The following MFN1 variants were observed in gnomAD, a reference collection of about 807,000 sequenced individuals.
MFN1 encodes the protein mitofusin 1, also known as mitofusin-1.
A neutral mutation model predicts 92.4 loss-of-function variants in MFN1; 65 were observed. That is an observed-to-expected ratio of 0.70 (90% CI 0.58 to 0.86). The LOEUF is 0.86. Among genes scored for constraint, MFN1 ranks in the 40% least tolerant of loss-of-function variants. The pLI is 0.00. For missense variants in MFN1, 781 were observed against 868.0 expected (o/e 0.90, Z 1.26); for synonymous variants, 297 against 300.9 (o/e 0.99, Z 0.13).
intron 2 of MFN1, among the ~76,000 whole-genome samples, chr3:179,350,004 T>TA (rs1233980560): frequency 6.6e-6 from 1 of 151,960 alleles, no homozygotes; most frequent in Non-Finnish European, 1.5e-5. Flanking sequence ...ATACAAAAAT[T>TA]AGCTGGGCCT....
chr3:179,384,179 G>A (rs960861204), intron 14 of MFN1, among the ~76,000 whole-genome samples: 7 of 152,088 alleles, frequency 4.6e-5, no homozygotes, highest in African/African-American at 1.7e-4. Context: ...TCTTATTACG[G>A]CTGAGGAATA....
At chr3:179,379,383 C>G (rs1400443735) in intron 14 of MFN1, among the ~76,000 whole-genome samples, 1 of 152,038 alleles carries the variant, frequency 6.6e-6, no homozygotes, top group Non-Finnish European at 1.5e-5. Flanking sequence ...AGACAGAGAC[C>G]TGCGCTGTGG....
Position 179,347,781 on chromosome 3 carries a change from T to C in MFN1, c.-37T>C, listed in dbSNP as rs1022782256. On this transcript the variant is annotated 5_prime_UTR_variant, in exon 1 of 18. Coordinates refer to ENST00000471841, the MANE Select transcript of MFN1 (RefSeq NM_033540.3). ...AGTTTGGCATCTGTGGCCGAGTTGCTGTTGCCGGGTGATAGTTGGAGCGGA... is the reference window on the plus strand; with the variant it reads ...AGTTTGGCATCTGTGGCCGAGTTGCCGTTGCCGGGTGATAGTTGGAGCGGA... The C allele has an allele frequency of 6.6e-6, 1 of 152,354 alleles. No homozygotes were observed. Among genetic ancestry groups the C allele is most frequent in the African/African-American group, 2.4e-5 (1 of 41,470 alleles). The allele number at this position is 152,354 out of a possible 1,614,324, so 9.4% of individuals were successfully genotyped here.
intron 4 of MFN1, among the ~76,000 whole-genome samples, chr3:179,359,484 G>T (rs557673930): frequency 7.4e-6 from 1 of 135,638 alleles, no homozygotes; most frequent in Admixed American, 7.6e-5. Context: ...ACAGTGGCGT[G>T]ATCTTGGCTC....
chr3:179,363,093 A>T (rs931117568), intron 5 of MFN1, among the ~76,000 whole-genome samples: 2 of 152,180 alleles, frequency 1.3e-5, no homozygotes, highest in African/African-American at 4.8e-5. Context: ...AACGGTAGTG[A>T]AAAATAATTG....
chr3:179,386,731 A>G, intron 16 of MFN1, 102 bp downstream of exon 16: 1 of 1,093,162 alleles, frequency 9.1e-7, no homozygotes, highest in Non-Finnish European at 1.3e-6. Context: ...GAATTATCAC[A>G]AAATGAACAT....
chr3:179,382,824 G>A (rs1279268611), intron 14 of MFN1, among the ~76,000 whole-genome samples: 4 of 152,196 alleles, frequency 2.6e-5, no homozygotes, highest in Non-Finnish European at 4.4e-5. Context: ...GATGGCCAGT[G>A]ATGATGAACA....
At chr3:179,357,849 A>C (rs1327941198) in intron 3 of MFN1, among the ~76,000 whole-genome samples, 1 of 152,138 alleles carries the variant, frequency 6.6e-6, no homozygotes, top group Non-Finnish European at 1.5e-5. Context: ...TGGACTCTGG[A>C]GCCTTAACTG....
intron 14 of MFN1, among the ~76,000 whole-genome samples, chr3:179,382,340 C>G (rs545254549): frequency 1.6e-4 from 25 of 152,198 alleles, no homozygotes; most frequent in African/African-American, 5.5e-4. Flanking sequence ...TTTGTCCTTG[C>G]AATAGTTTGC....
At chr3:179,364,175 A>C in intron 5 of MFN1, 122 bp from the exon 6 acceptor site, 1 of 584,966 alleles carries the variant, frequency 1.7e-6, no homozygotes, top group East Asian at 3.0e-5. Context: ...TAGACTTCTT[A>C]CAGATGACAG....
In MFN1 at chr3:179,392,176, C is replaced by A; in HGVS notation, c.*117C>A. ...AATTGTACTAACTGTACCTAAATAGCAAAGCCCTGTGTAGATTCTGGTAAT... is the reference window on the plus strand; with the variant it reads ...AATTGTACTAACTGTACCTAAATAGAAAAGCCCTGTGTAGATTCTGGTAAT... On this transcript the variant is annotated 3_prime_UTR_variant, in exon 18 of 18. Coordinates refer to ENST00000471841, the MANE Select transcript of MFN1 (RefSeq NM_033540.3). The A allele has an allele frequency of 1.5e-6, 1 of 658,820 alleles. No homozygotes were observed. The allele number at this position is 658,820 out of a possible 1,614,324, so 40.8% of individuals were successfully genotyped here. A position where few individuals can be genotyped will look rare whatever the true frequency, so the allele number is the denominator to read the frequency against.
intron 1 of MFN1, 87 bp from the exon 2 acceptor site, chr3:179,348,758 G>A (rs779054783): frequency 6.5e-7 from 1 of 1,530,614 alleles, no homozygotes; most frequent in South Asian, 1.2e-5. Context: ...TTTCATTGGG[G>A]AGTTGATGAA....
chr3:179,384,874 G>A (rs1713611208), intron 14 of MFN1, among the ~76,000 whole-genome samples: 1 of 138,928 alleles, frequency 7.2e-6, no homozygotes, highest in Non-Finnish European at 1.6e-5. Flanking sequence ...GTGTTTTGAA[G>A]TTTAAGAGGT....
intron 5 of MFN1, 30 bp from the exon 6 acceptor site, chr3:179,364,267 A>T: frequency 6.8e-7 from 1 of 1,481,096 alleles, no homozygotes; most frequent in Non-Finnish European, 9.1e-7. Flanking sequence ...TTTAAGAAAT[A>T]TAATACAATT....
In MFN1 at chr3:179,367,567, A is replaced by G. The variant is rs1447607024; in HGVS notation, c.882A>G (p.Gln294=). Residue 294 remains glutamine (Q), a synonymous_variant, in exon 8 of 18, where the codon CAA becomes CAG. Transcript: ENST00000471841. ...SAKEVLSARK[Q]KAQGMPESGV... is the part of the protein sequence containing the mutation. ...AGGAAGTTCTTAGTGCTAGAAAGCA[A>G]AAAGCACAGGGGATGCCAGAAAGTG... is the stretch of plus-strand genomic sequence containing the variant. 3 of 1,613,192 alleles carry G rather than the reference A, an allele frequency of 1.9e-6. No individual in the cohort carries two copies. Among genetic ancestry groups the G allele is most frequent in the Non-Finnish European group, 2.5e-6 (3 of 1,179,668 alleles).
intron 3 of MFN1, among the ~76,000 whole-genome samples, chr3:179,356,049 A>G (rs547543043): frequency 9.2e-5 from 14 of 152,328 alleles, no homozygotes; most frequent in African/African-American, 2.9e-4. Context: ...CATTCTTGTC[A>G]CAGAGCTTCT....
At position 179,361,660 on chromosome 3, in the gene MFN1, C is replaced by A. The variant is rs147671457; in HGVS notation, c.412-698C>A. Among the ~76,000 whole-genome samples the A allele has an allele frequency of 1.5e-4, 23 of 152,164 alleles. No individual in the cohort carries two copies. In the East Asian group the frequency reaches 3.7e-3, roughly 24 times the overall value. On this transcript the variant is annotated intron_variant, in intron 4 of 17. Coordinates refer to ENST00000471841, the MANE Select transcript of MFN1 (RefSeq NM_033540.3). ...CAAGCAATTCTCCTGTCTCCGCCTC[C>A]CGAGTAGCTGAAATTAGAGGCACGT...
Position 179,385,666 on chromosome 3 carries a change from G to C in MFN1, c.1760G>C (p.Gly587Ala). ...QEELMITLVTGLASVTSRTSM... is the reference protein window; with the variant it reads ...QEELMITLVTALASVTSRTSM... ...GAACTCATGATTACATTAGTAACAG[G>C]ATTGGCGTCCGTTACATCTAGAACT... Residue 587 changes from glycine (G) to alanine (A), a missense_variant, in exon 15 of 18, where the codon GGA becomes GCA. Physicochemically the swap from Gly to Ala is moderately conservative, Grantham distance 60 (BLOSUM62 0). Transcript: ENST00000471841. 1 of 1,613,820 alleles carries C rather than the reference G, an allele frequency of 6.2e-7. No homozygotes were observed. Among genetic ancestry groups the C allele is most frequent in the Non-Finnish European group, 8.5e-7 (1 of 1,179,888 alleles).
At position 179,378,802 on chromosome 3, in the gene MFN1, G is replaced by A. The variant is rs778799637; in HGVS notation, c.1650G>A (p.Glu550=). The stretch of plus-strand genomic sequence containing the variant: ...AAAGGGTGCTCCTAGGATTATCAGA[G>A]CCTATCTTTCAGGTATGTATCTTTG... ...NAQRVLLGLS[E]PIFQLPRSLA... is the part of the protein sequence containing the mutation. The change falls in exon 14 of 18, where the codon GAG becomes GAA. Residue 550 remains glutamate (E), a synonymous_variant. Coordinates refer to ENST00000471841, the MANE Select transcript of MFN1 (RefSeq NM_033540.3). 7.4e-6 allele frequency: 12 copies of A among 1,611,120 alleles called. No homozygotes were observed. In the South Asian group the frequency reaches 9.9e-5, roughly 13 times the overall value.
Sources: gnomAD v4.1 joint callset for allele counts (sites outside exome capture counted in the v4.1 genomes callset) on GRCh38, gnomAD v4.1.1 for gene constraint, MANE v1.5 for transcripts, NCBI Gene and HGNC (gene_info 2026-07-23, HGNC 2026-07-21) for gene names.